SANBR: variants seen among roughly 807,000 people sequenced by gnomAD.
SANBR encodes the protein SANT and BTB domain regulator of class switch recombination.
In SANBR, 77 loss-of-function variants were observed where a neutral mutation model predicts 101.8. That is an observed-to-expected ratio of 0.76 (90% confidence interval 0.63 to 0.91). SANBR has a LOEUF of 0.91. Among genes scored for constraint, SANBR ranks in the 40% least tolerant of loss-of-function variants. The pLI is 0.00. For missense variants in SANBR, 875 were observed against 853.0 expected, an observed-to-expected ratio of 1.03 and a Z score of -0.32; for synonymous variants, 279 against 274.7, an observed-to-expected ratio of 1.02 and a Z score of -0.15.
intron 21 of SANBR, among the ~76,000 whole-genome samples, chr2:61,136,985 C>T (rs1684870667): frequency 6.6e-6 from 1 of 151,516 alleles, no homozygotes. Flanking sequence ...ACAACAACAA[C>T]AACAACGATA....
chr2:61,131,927 T>C (rs1006221865), intron 20 of SANBR, among the ~76,000 whole-genome samples: 1 of 152,230 alleles, frequency 6.6e-6, no homozygotes, highest in Non-Finnish European at 1.5e-5. Context: ...TGAAAAAGAA[T>C]AGTCTTTTCT....
downstream of SANBR, among the ~76,000 whole-genome samples, chr2:61,127,438 C>A (rs1004028437): frequency 6.6e-6 from 1 of 152,184 alleles, no homozygotes; most frequent in African/African-American, 2.4e-5. Flanking sequence ...CTGCTGAAAT[C>A]TGGGTAGCTT....
chr2:61,121,515 A>G, intron 21 of SANBR: 1 of 340,082 alleles, frequency 2.9e-6, no homozygotes. Context: ...CTTCATTCTG[A>G]GCCAACTCCT....
At chr2:61,113,315 G>T (rs1177264) in intron 16 of SANBR, among the ~76,000 whole-genome samples, 97,295 of 152,018 alleles carry the variant, frequency 0.64, 33,080 homozygotes, top group African/African-American at 0.88. Context: ...TTCAAGGTAC[G>T]TTGCATTTTC....
At chr2:61,082,884 A>G (rs1682214299) in intron 7 of SANBR, among the ~76,000 whole-genome samples, 1 of 152,194 alleles carries the variant, frequency 6.6e-6, no homozygotes, top group Non-Finnish European at 1.5e-5. Flanking sequence ...TATACCTGCC[A>G]CAATTTTAAA....
intron 8 of SANBR, among the ~76,000 whole-genome samples, chr2:61,086,544 G>A (rs939909057): frequency 1.3e-5 from 2 of 152,020 alleles, no homozygotes; most frequent in Non-Finnish European, 2.9e-5. Context: ...TAGAAAGAAA[G>A]GCAGAAGGAA....
chr2:61,117,395 G>C lies in SANBR; in HGVS notation c.1865+10G>C, dbSNP rs1307399498. On this transcript the variant is annotated intron_variant, in intron 18 of 21. Transcript: ENST00000402291. ...ATGTGTCTCCTTTCGTGTGAGTATT[G>C]CTCCTTAATCCAATCGGATATCCAC... 26 of 1,613,390 alleles carry C rather than the reference G, an allele frequency of 1.6e-5. No homozygotes were observed. Among genetic ancestry groups the C allele is most frequent in the Non-Finnish European group, 2.2e-5 (26 of 1,179,678 alleles).
intron 1 of SANBR, among the ~76,000 whole-genome samples, chr2:61,068,498 C>T (rs1681296036): frequency 6.6e-6 from 1 of 152,156 alleles, no homozygotes; most frequent in Admixed American, 6.5e-5. Context: ...GTGCTTTATA[C>T]ATAGTATTAT....
intron 2 of SANBR, 43 bp from the exon 3 acceptor site, chr2:61,070,299 G>C: frequency 7.0e-7 from 1 of 1,425,752 alleles, no homozygotes; most frequent in Admixed American, 2.5e-5. Flanking sequence ...AAAACATTTG[G>C]ATTTCGGGTT....
At chr2:61,133,504 G>A (rs1178938730) in intron 20 of SANBR, among the ~76,000 whole-genome samples, 2 of 151,940 alleles carry the variant, frequency 1.3e-5, no homozygotes, top group African/African-American at 2.4e-5. Flanking sequence ...TGTAATCCCA[G>A]CACTTTGGGA....
intron 20 of SANBR, among the ~76,000 whole-genome samples, chr2:61,120,245 G>A (rs1398336421): frequency 6.6e-6 from 1 of 152,166 alleles, no homozygotes; most frequent in Non-Finnish European, 1.5e-5. Flanking sequence ...GCTCACACCT[G>A]TAATCCCAGC....
intron 16 of SANBR, among the ~76,000 whole-genome samples, chr2:61,109,948 C>T (rs1045533321): frequency 1.3e-5 from 2 of 151,956 alleles, no homozygotes; most frequent in African/African-American, 2.4e-5. Context: ...CCACTGTGCT[C>T]GGCCGAGAGC....
chr2:61,102,437 T>C (rs1683334267), intron 12 of SANBR, among the ~76,000 whole-genome samples: 1 of 150,984 alleles, frequency 6.6e-6, no homozygotes, highest in Non-Finnish European at 1.5e-5. Flanking sequence ...ACAGTTGTCC[T>C]GTAAACATGA....
chr2:61,074,531 C>T (rs933661208), intron 5 of SANBR, among the ~76,000 whole-genome samples: 1 of 152,284 alleles, frequency 6.6e-6, no homozygotes, highest in East Asian at 1.9e-4. Context: ...GCCTCAGCCA[C>T]CTGATTAACT....
At chr2:61,133,997 A>C in intron 20 of SANBR, 1 of 1,289,172 alleles carries the variant, frequency 7.8e-7, no homozygotes. Context: ...ATCAAATTGC[A>C]TTTGGGTAAT....
chr2:61,078,406 A>G lies in SANBR; in HGVS notation c.670+1248A>G, dbSNP rs375251196. ...GACATTGAAGAGATTTGCAAAAAAT[A>G]TCAAACAGTGCTACTCTTTACTCTT... On this transcript the variant is annotated intron_variant, in intron 6 of 21. Transcript: ENST00000402291. Among the ~76,000 whole-genome samples the G allele has an allele frequency of 2.3e-3, 350 of 152,208 alleles. 3 individuals are homozygous for G. The highest frequency in any genetic ancestry group is 7.7e-3 in the South Asian group (37 of 4,824).
rs1402230726 is a variant in SANBR at position 61,081,479 on chromosome 2, T to C, written c.698T>C (p.Ile233Thr). 2.5e-6 allele frequency: 4 copies of C among 1,579,190 alleles called. No homozygotes were observed. The highest frequency in any genetic ancestry group is 2.3e-5 in the East Asian group (1 of 43,608). Residue 233 changes from isoleucine to threonine, a missense_variant, in exon 7 of 22, where the codon ATT becomes ACT. Ile to Thr is a moderately conservative substitution (Grantham distance 89). Transcript: ENST00000402291. The part of the protein sequence containing the change: ...LEPGNVISIL[I>T]SSEFLKMDSL... ...CCAGGAAATGTCATTTCAATTCTTATTTCTTCGGAGTTTTTAAAAATGGAT... is the reference window on the plus strand; with the variant it reads ...CCAGGAAATGTCATTTCAATTCTTACTTCTTCGGAGTTTTTAAAAATGGAT...
chr2:61,124,985 GAATT>G (rs779582332), downstream of SANBR, among the ~76,000 whole-genome samples: 2 of 152,172 alleles, frequency 1.3e-5, no homozygotes, highest in Non-Finnish European at 2.9e-5. Context: ...TTAATTCCTG[GAATT>G]AATTCTGCAG....
intron 12 of SANBR, among the ~76,000 whole-genome samples, chr2:61,100,303 C>T (rs538072515): frequency 6.6e-6 from 1 of 152,254 alleles, no homozygotes; most frequent in East Asian, 1.9e-4. Flanking sequence ...TGGAGTCTCA[C>T]CATATTGGCC....
Sources: allele counts gnomAD v4.1 joint callset (sites outside exome capture counted in the v4.1 genomes callset), GRCh38; gene constraint gnomAD v4.1.1; transcripts MANE v1.5; gene names NCBI Gene and HGNC (gene_info 2026-07-23, HGNC 2026-07-21).